PTPRK: variants seen among roughly 807,000 people sequenced by gnomAD.
The protein encoded by PTPRK is protein tyrosine phosphatase receptor type K.
In PTPRK, 75 loss-of-function variants were observed where a neutral mutation model predicts 178.0. That is an observed-to-expected ratio of 0.42 (90% CI 0.35 to 0.51). The LOEUF (loss-of-function observed/expected upper bound fraction) is 0.51. Ranked by LOEUF, PTPRK falls within the 20% of genes least tolerant of loss-of-function variation. The pLI is 0.02. For synonymous variants in PTPRK, 637 were observed against 620.6 expected (o/e 1.03, Z -0.39); for missense variants, 1,441 against 1,797.8 (o/e 0.80, Z 3.59).
chr6:128,273,970 A>G (rs1218127194), intron 3 of PTPRK, among the ~76,000 whole-genome samples: 1 of 152,164 alleles, frequency 6.6e-6, no homozygotes. Flanking sequence ...GTGCCTTTTT[A>G]TTATTAATGA....
chr6:128,202,458 C>T (rs1806138958), intron 6 of PTPRK, among the ~76,000 whole-genome samples: 1 of 152,144 alleles, frequency 6.6e-6, no homozygotes, highest in Admixed American at 6.6e-5. Context: ...GTTTTGTATA[C>T]TCTGGACCCG....
At chr6:128,029,972 G>A (rs1367927868) in intron 13 of PTPRK, among the ~76,000 whole-genome samples, 1 of 152,112 alleles carries the variant, frequency 6.6e-6, no homozygotes, top group African/African-American at 2.4e-5. Flanking sequence ...GGGTAGGAAA[G>A]GGAAAGCAGC....
At chr6:128,208,122 T>C (rs1051721356) in intron 6 of PTPRK, among the ~76,000 whole-genome samples, 23 of 152,060 alleles carry the variant, frequency 1.5e-4, no homozygotes, top group African/African-American at 5.6e-4. Flanking sequence ...AACTGCTTTT[T>C]AGCAATCCTG....
intron 1 of PTPRK, among the ~76,000 whole-genome samples, chr6:128,481,422 T>A (rs1016119425): frequency 1.3e-5 from 2 of 152,156 alleles, no homozygotes; most frequent in African/African-American, 4.8e-5. Context: ...AACTCCCCAA[T>A]AGACTAACCA....
chr6:128,347,246 G>C (rs1027585833), intron 2 of PTPRK, among the ~76,000 whole-genome samples: 1 of 152,222 alleles, frequency 6.6e-6, no homozygotes, highest in African/African-American at 2.4e-5. Context: ...AGGGAACAAG[G>C]GGAAGACAAG....
At chr6:128,422,699 A>AC (rs1420030824) in intron 1 of PTPRK, among the ~76,000 whole-genome samples, 22 of 150,882 alleles carry the variant, frequency 1.5e-4, no homozygotes, top group African/African-American at 4.4e-4. Flanking sequence ...AAAAAAAAAA[A>AC]AAAAACCTGA....
Position 128,064,737 on chromosome 6 carries a change from CA to C in PTPRK, c.2194+20del, listed in dbSNP as rs752427078. 16 of 1,575,082 alleles carry C rather than the reference CA, an allele frequency of 1.0e-5. No individual in the cohort carries two copies. Among genetic ancestry groups the C allele is most frequent in the Admixed American group, 8.0e-5 (4 of 49,994 alleles). On this transcript the variant is annotated intron_variant, in intron 13 of 29. Transcript: ENST00000368226. ...AGGGGGTGAGAGTAGTTAAAACAAG[CA>C]AAAAAAGCAAACCTCTTACCTTTTG...
At chr6:128,018,619 C>A (rs894878303) in intron 13 of PTPRK, among the ~76,000 whole-genome samples, 3 of 151,888 alleles carry the variant, frequency 2.0e-5, no homozygotes, top group African/African-American at 7.3e-5. Flanking sequence ...GAGATTGAGT[C>A]TACCTTCTAG....
In PTPRK at chr6:128,322,299, T is replaced by A. The variant is rs1213655511; in HGVS notation, c.235A>T (p.Ile79Leu). The change falls in exon 3 of 30, where the codon ATA (isoleucine) becomes TTA (leucine). Residue 79 changes from isoleucine (I) to leucine (L), a missense_variant. Around this residue, in one of 4 missense-constraint regions of PTPRK, gnomAD observed 158 missense variants for 188.0 expected, o/e 0.84. Transcript: ENST00000368226. ...GGGTCGTGATCTGAAGAGTCCACTA[T>A]CATATAGGAACCTGAAATGACATTA... ...PPEMPQGSYMIVDSSDHDPGE... is the reference protein window; with the variant it reads ...PPEMPQGSYMLVDSSDHDPGE... 6.3e-7 allele frequency: 1 copy of A among 1,578,882 alleles called. No individual in the cohort carries two copies. Among genetic ancestry groups the A allele is most frequent in the Non-Finnish European group, 8.7e-7 (1 of 1,148,958 alleles).
intron 7 of PTPRK, among the ~76,000 whole-genome samples, chr6:128,154,792 G>A (rs920470126): frequency 1.3e-5 from 2 of 151,624 alleles, no homozygotes; most frequent in African/African-American, 4.8e-5. Context: ...GAAAATACAG[G>A]TAGAGGTACA....
intron 1 of PTPRK, among the ~76,000 whole-genome samples, chr6:128,490,983 A>C (rs1356855911): frequency 5.3e-5 from 8 of 152,206 alleles, no homozygotes; most frequent in Non-Finnish European, 1.2e-4. Context: ...ACCTCTTTAA[A>C]GTCCCTACCT....
In PTPRK at chr6:128,034,817, T is replaced by A. The variant is rs535260776; in HGVS notation, c.2195-25549A>T. Among the ~76,000 whole-genome samples, 17 of 152,296 alleles carry A rather than the reference T, an allele frequency of 1.1e-4. No individual in the cohort carries two copies. The South Asian group carries it at 3.5e-3, about 32-fold the overall frequency. On this transcript the variant is annotated intron_variant, in intron 13 of 29. Transcript: ENST00000368226. ...GTGTTATGTCAAGTATATAAGTCCT[T>A]AATAAATACGTGTGGATTGTGTGAA...
chr6:128,493,591 T>TACAC (rs59656384), intron 1 of PTPRK, among the ~76,000 whole-genome samples: 2,535 of 123,900 alleles, frequency 0.02, 59 homozygotes, highest in African/African-American at 0.038. Context: ...TCCCGCCCCC[T>TACAC]ACACACACAC....
At chr6:128,451,474 A>G (rs1179660395) in intron 1 of PTPRK, among the ~76,000 whole-genome samples, 1 of 152,132 alleles carries the variant, frequency 6.6e-6, no homozygotes, top group Non-Finnish European at 1.5e-5. Flanking sequence ...CCTTTTTCCA[A>G]CCACATATTT....
intron 3 of PTPRK, among the ~76,000 whole-genome samples, chr6:128,253,171 A>T (rs937917892): frequency 3.3e-5 from 5 of 152,224 alleles, no homozygotes; most frequent in African/African-American, 1.2e-4. Context: ...AGGACCCACT[A>T]TTCATGGCTC....
chr6:128,201,995 G>A lies in PTPRK; in HGVS notation c.868+16927C>T, dbSNP rs1352747268. Reference sequence around the variant, plus strand: ...AAAATTAACAATAATCTTATTAGTTGGAGTATCACTACCAATGAGTATGGA... The same window carrying A: ...AAAATTAACAATAATCTTATTAGTTAGAGTATCACTACCAATGAGTATGGA... On this transcript the variant is annotated intron_variant, in intron 6 of 29. Transcript: ENST00000368226. Among the ~76,000 whole-genome samples the A allele has an allele frequency of 2.0e-5, 3 of 152,062 alleles. No individual in the cohort carries two copies. The East Asian group carries it at 5.8e-4, about 29-fold the overall frequency.
At chr6:128,115,139 G>A (rs1340027105) in intron 7 of PTPRK, among the ~76,000 whole-genome samples, 3 of 152,148 alleles carry the variant, frequency 2.0e-5, no homozygotes, top group South Asian at 4.1e-4. Flanking sequence ...TCCAGCTACT[G>A]GACTGCACCC....
Position 127,998,860 on chromosome 6 carries a change from C to G in PTPRK, c.2539G>C (p.Val847Leu). 1 of 1,599,060 alleles carries G rather than the reference C, an allele frequency of 6.3e-7. No homozygotes were observed. The highest frequency in any genetic ancestry group is 8.5e-7 in the Non-Finnish European group (1 of 1,170,720). ...GTCCCCTCACAGAGGTAGCGAGGTA[C>G]GTCTAGAAGGCGACTGGACTCTGCT... ...ATAESSRLLD[V>L]PRYLCEGTES... The change falls in exon 16 of 30, where the codon GTA becomes CTA. Residue 847 changes from valine to leucine, a missense_variant. By Grantham distance (32) the Val-to-Leu change is conservative. This residue lies in a region of PTPRK where 945 missense variants were observed against 1,080.6 expected (regional missense o/e 0.87). Coordinates refer to ENST00000368226, the MANE Select transcript of PTPRK (RefSeq NM_002844.4).
chr6:128,138,908 G>A (rs1795388110), intron 7 of PTPRK, among the ~76,000 whole-genome samples: 1 of 151,970 alleles, frequency 6.6e-6, no homozygotes, highest in Admixed American at 6.6e-5. Context: ...CAAGTCACAT[G>A]GGACATACAA....
Sources: gnomAD v4.1 joint callset for allele counts (sites outside exome capture counted in the v4.1 genomes callset) on GRCh38, gnomAD v4.1.1 for gene constraint, gnomAD v4.1.1 regional missense constraint, MANE v1.5 for transcripts, NCBI Gene and HGNC (gene_info 2026-07-23, HGNC 2026-07-21) for gene names.